Variants in TTC39C observed in about 807,000 individuals in gnomAD.
The protein encoded by TTC39C is tetratricopeptide repeat domain 39C, also known as tetratricopeptide repeat protein 39C.
TTC39C carries 33 observed loss-of-function variants against 76.3 expected under a neutral mutation model. That is an observed-to-expected ratio of 0.43 (90% CI 0.33 to 0.58). The LOEUF is 0.58. Among genes scored for constraint, TTC39C ranks in the 20% least tolerant of loss-of-function variants. The probability of loss-of-function intolerance (pLI) is 0.04; values close to 1 mark genes in which losing one functional copy is unlikely to be tolerated. For missense variants in TTC39C, 595 were observed against 701.4 expected, an observed-to-expected ratio of 0.85 and a Z score of 1.71; for synonymous variants, 254 against 260.6, an observed-to-expected ratio of 0.97 and a Z score of 0.24.
rs1211150074 is a variant in TTC39C, at chr18:24,113,806, G to A, written c.985-748G>A. 24 of 656,382 alleles carry A rather than the reference G, an allele frequency of 3.7e-5. No homozygotes were observed. In the East Asian group the frequency reaches 5.5e-4, roughly 15 times the overall value. The allele number at this position is 656,382 out of a possible 1,614,324, so 40.7% of individuals were successfully genotyped here. ...GTGACATCTTCAGCGGCGGGAAAAC[G>A]AAATGTATTTCACTGGGAGTAAGTA... On this transcript the variant is annotated intron_variant, in intron 6 of 13. Transcript: ENST00000317571.
At chr18:24,058,615 T>C (rs999257381) in intron 1 of TTC39C, among the ~76,000 whole-genome samples, 2 of 152,034 alleles carry the variant, frequency 1.3e-5, no homozygotes, top group Non-Finnish European at 2.9e-5. Context: ...ACCACTGCAC[T>C]GCAGCCTGGG....
intron 1 of TTC39C, among the ~76,000 whole-genome samples, chr18:24,045,577 G>A (rs1275825443): frequency 6.6e-6 from 1 of 151,344 alleles, no homozygotes; most frequent in Non-Finnish European, 1.5e-5. Context: ...TTCTACTCTG[G>A]AACGTAAACT....
chr18:24,084,058 G>T lies in TTC39C; in HGVS notation c.984+977G>T, dbSNP rs538545818. Among the ~76,000 whole-genome samples, 3 of 152,280 alleles carry T rather than the reference G, an allele frequency of 2.0e-5. No homozygotes were observed. In the East Asian group the frequency reaches 5.8e-4, roughly 29 times the overall value. On this transcript the variant is annotated intron_variant, in intron 6 of 13. Coordinates refer to ENST00000317571, the MANE Select transcript of TTC39C (RefSeq NM_001135993.2). Reference sequence around the variant, plus strand: ...TTTGGGGGTGGGGATGCAGGCAGTGGAGTGTATATTACTTTCCCAGTCATT... The same window carrying T: ...TTTGGGGGTGGGGATGCAGGCAGTGTAGTGTATATTACTTTCCCAGTCATT...
chr18:24,055,748 G>A (rs2084007157), intron 1 of TTC39C, among the ~76,000 whole-genome samples: 1 of 152,066 alleles, frequency 6.6e-6, no homozygotes. Flanking sequence ...TTTTGATGTA[G>A]TTCCATTTAT....
intron 6 of TTC39C, among the ~76,000 whole-genome samples, chr18:24,101,741 A>G (rs1298499906): frequency 6.6e-6 from 1 of 152,182 alleles, no homozygotes; most frequent in African/African-American, 2.4e-5. Context: ...TTGTCTTGAA[A>G]TGCTGTCTTC....
At chr18:24,013,564 T>C (rs2083410618), upstream of TTC39C, among the ~76,000 whole-genome samples, 1 of 152,230 alleles carries the variant, frequency 6.6e-6, no homozygotes. Flanking sequence ...ATTGCTTTCA[T>C]TTAAAAAAAA....
chr18:24,121,056 A>G (rs2084961404), intron 8 of TTC39C: 1 of 152,236 alleles, frequency 6.6e-6, no homozygotes, highest in Admixed American at 6.5e-5. Flanking sequence ...GTAGATACCT[A>G]GAAGTAGATT....
chr18:24,070,717 G>T (rs1267086586), intron 4 of TTC39C, among the ~76,000 whole-genome samples: 2 of 151,690 alleles, frequency 1.3e-5, no homozygotes, highest in African/African-American at 4.8e-5. Flanking sequence ...GGTGGTGGTC[G>T]CTGTAATCCC....
intron 1 of TTC39C, among the ~76,000 whole-genome samples, chr18:24,007,438 C>T (rs2083363076): frequency 6.6e-6 from 1 of 152,178 alleles, no homozygotes; most frequent in Non-Finnish European, 1.5e-5. Flanking sequence ...GGCTGGAGTG[C>T]AGTGGCATGA....
chr18:24,081,302 TATTCTTATAAAGA>T, intron 5 of TTC39C, among the ~76,000 whole-genome samples: 1 of 152,382 alleles, frequency 6.6e-6, no homozygotes, highest in Middle Eastern at 3.4e-3. Context: ...CTGAAATTTT[TATTCTTATAAAGA>T]ATTCTCACAT....
chr18:24,054,344 T>C (rs1188760938), intron 1 of TTC39C, among the ~76,000 whole-genome samples: 1 of 152,212 alleles, frequency 6.6e-6, no homozygotes, highest in South Asian at 2.1e-4. Flanking sequence ...TTGAGAAAAT[T>C]GTATCAAAGC....
chr18:24,039,548 T>C (rs2083768505), intron 1 of TTC39C, among the ~76,000 whole-genome samples: 1 of 152,214 alleles, frequency 6.6e-6, no homozygotes, highest in Non-Finnish European at 1.5e-5. Flanking sequence ...CCCACGTTGG[T>C]CTCAAACTCC....
At chr18:24,113,043 C>T (rs1342383494) in intron 6 of TTC39C, among the ~76,000 whole-genome samples, 2 of 152,044 alleles carry the variant, frequency 1.3e-5, no homozygotes, top group African/African-American at 4.8e-5. Context: ...GTGGGCGATT[C>T]CCATTGTTGT....
chr18:24,062,455 G>T (rs549191627), intron 1 of TTC39C, among the ~76,000 whole-genome samples: 2 of 152,174 alleles, frequency 1.3e-5, no homozygotes, highest in African/African-American at 4.8e-5. Context: ...TAGGGTAGGA[G>T]CCCATACTGT....
At position 24,130,372 on chromosome 18, in the gene TTC39C, G is replaced by A. The variant is rs149403354; in HGVS notation, c.1578G>A (p.Pro526=). 1.7e-4 allele frequency: 264 copies of A among 1,586,596 alleles called. No homozygotes were observed. The highest frequency in any genetic ancestry group is 1.8e-4 in the Non-Finnish European group (214 of 1,167,220). The change falls in exon 12 of 14, where the codon CCG becomes CCA. Residue 526 remains proline (P), a synonymous_variant. Transcript: ENST00000317571. ...LCRQNNLYVQ[P]YACYELGCLL... ...GTCAGAATAACTTATATGTTCAGCC[G>A]TATGCCTGTTATGAACTTGGCTGTC...
intron 1 of TTC39C, among the ~76,000 whole-genome samples, chr18:24,017,852 A>G (rs2083472605): frequency 6.6e-6 from 1 of 152,194 alleles, no homozygotes; most frequent in Non-Finnish European, 1.5e-5. Context: ...TTACAATTTA[A>G]CAGTAGAAAC....
intron 7 of TTC39C, 123 bp from the exon 8 acceptor site, chr18:24,118,002 C>T (rs1270180342): frequency 9.2e-6 from 6 of 653,350 alleles, no homozygotes; most frequent in Non-Finnish European, 1.4e-5. Context: ...TCAGGTTAAA[C>T]TTTTTTACGC....
At chr18:24,018,787 G>A (rs892537192) in intron 1 of TTC39C, among the ~76,000 whole-genome samples, 3 of 152,156 alleles carry the variant, frequency 2.0e-5, no homozygotes, top group South Asian at 4.1e-4. Flanking sequence ...AAAAACCCAC[G>A]TGGAGACATG....
intron 9 of TTC39C, among the ~76,000 whole-genome samples, chr18:24,124,571 A>T (rs972484089): frequency 6.6e-6 from 1 of 152,206 alleles, no homozygotes; most frequent in Non-Finnish European, 1.5e-5. Flanking sequence ...TGTGAATACA[A>T]TGTTGCCGTA....
Sources: gnomAD v4.1 joint callset for allele counts (sites outside exome capture counted in the v4.1 genomes callset) on GRCh38, gnomAD v4.1.1 for gene constraint, MANE v1.5 for transcripts, NCBI Gene and HGNC (gene_info 2026-07-23, HGNC 2026-07-21) for gene names.